The following NUP210L variants were observed in gnomAD, a reference collection of about 807,000 sequenced individuals.
NUP210L encodes the protein nuclear pore membrane glycoprotein 210-like.
NUP210L carries 74 observed loss-of-function variants against 208.5 expected under a neutral mutation model. That is an observed-to-expected ratio of 0.35 (90% CI 0.29 to 0.43). The LOEUF (loss-of-function observed/expected upper bound fraction) is 0.43. Ranked by LOEUF, NUP210L falls within the 20% of genes least tolerant of loss-of-function variation. The pLI is 1.00. For synonymous variants in NUP210L, 780 were observed against 816.9 expected, an observed-to-expected ratio of 0.95 and a Z score of 0.77; for missense variants, 1,843 against 2,289.4, an observed-to-expected ratio of 0.81 and a Z score of 3.98.
intron 17 of NUP210L, 128 bp downstream of exon 17, chr1:154,070,145 A>G (rs1239054055): frequency 1.5e-6 from 1 of 689,024 alleles, no homozygotes; most frequent in African/African-American, 1.8e-5. Flanking sequence ...GCACATGTAT[A>G]CATATGTAAC....
Position 154,083,607 on chromosome 1 carries a change from CCAGCTGG to C in NUP210L, c.2361+5807_2361+5813del, listed in dbSNP as rs1655467638. Among the ~76,000 whole-genome samples the C allele has an allele frequency of 9.9e-5, 15 of 152,072 alleles. 1 individual carries two copies. The South Asian group carries it at 3.1e-3, about 32-fold the overall frequency. ...GTGTCAGAATTGAATTGGAGAACAC[CCAGCTGG>C]TGTCTGCTGCTTGATGTGTGGGGAA... On this transcript the variant is annotated intron_variant, in intron 16 of 39. Transcript: ENST00000368559.
At chr1:154,006,197 T>A (rs890727014) in intron 35 of NUP210L, among the ~76,000 whole-genome samples, 1 of 152,098 alleles carries the variant, frequency 6.6e-6, no homozygotes, top group African/African-American at 2.4e-5. Flanking sequence ...TTTATTTATT[T>A]AGACAGAGTC....
chr1:154,011,753 A>G (rs1411025585), intron 34 of NUP210L, among the ~76,000 whole-genome samples: 1 of 123,344 alleles, frequency 8.1e-6, no homozygotes, highest in Admixed American at 1.1e-4. Flanking sequence ...CAGTGGTGCG[A>G]TCTCGGCTCA....
intron 17 of NUP210L, among the ~76,000 whole-genome samples, chr1:154,065,376 G>T (rs1056248003): frequency 1.3e-5 from 2 of 152,034 alleles, no homozygotes; most frequent in Non-Finnish European, 2.9e-5. Flanking sequence ...GCTATGATCT[G>T]CTCTACTGCT....
chr1:154,043,036 T>C (rs1652979506), intron 27 of NUP210L, among the ~76,000 whole-genome samples: 1 of 149,398 alleles, frequency 6.7e-6, no homozygotes, highest in Non-Finnish European at 1.5e-5. Flanking sequence ...TTTTTTTTTT[T>C]TGAGACAGGG....
exon 29 of NUP210L, chr1:154,027,526 C>T (rs771490674): frequency 6.2e-7 from 1 of 1,612,912 alleles, no homozygotes; most frequent in South Asian, 1.1e-5. Context: ...GGAGTTTGAG[C>T]TGAGAATTTA....
At chr1:154,058,287 G>T (rs1653976131) in intron 21 of NUP210L, 71 bp from the exon 22 acceptor site, 9 of 1,511,396 alleles carry the variant, frequency 6.0e-6, no homozygotes, top group Non-Finnish European at 8.1e-6. Flanking sequence ...CTCTTAGAGG[G>T]CAGTGTACTT....
chr1:154,069,872 TA>T (rs1335441234), intron 17 of NUP210L, among the ~76,000 whole-genome samples: 2 of 152,018 alleles, frequency 1.3e-5, no homozygotes, highest in Non-Finnish European at 2.9e-5. Context: ...TATGGAGCCA[TA>T]AAAAAGGATG....
At chr1:154,028,438 G>T (rs1253906772) in intron 28 of NUP210L, among the ~76,000 whole-genome samples, 2 of 151,734 alleles carry the variant, frequency 1.3e-5, no homozygotes, top group Admixed American at 6.6e-5. Context: ...AATACAAAAA[G>T]TAGCCAGGCA....
At chr1:154,139,276 T>C (rs1346346586) in intron 5 of NUP210L, among the ~76,000 whole-genome samples, 1 of 152,120 alleles carries the variant, frequency 6.6e-6, no homozygotes, top group Non-Finnish European at 1.5e-5. Flanking sequence ...GAACTCATGG[T>C]CAAAGAAAGG....
chr1:154,132,631 A>G (rs995942735), intron 7 of NUP210L, among the ~76,000 whole-genome samples: 4 of 152,180 alleles, frequency 2.6e-5, no homozygotes, highest in African/African-American at 9.7e-5. Context: ...GGAAAAAAAT[A>G]ACAATATGAA....
intron 12 of NUP210L, among the ~76,000 whole-genome samples, chr1:154,105,413 C>T (rs1466010061): frequency 4.0e-5 from 6 of 151,350 alleles, no homozygotes; most frequent in Non-Finnish European, 7.4e-5. Context: ...TGCTTGAACC[C>T]GGGGGGTGGA....
intron 8 of NUP210L, 91 bp downstream of exon 8, chr1:154,129,186 A>T: frequency 1.4e-6 from 1 of 724,072 alleles, no homozygotes; most frequent in Non-Finnish European, 2.4e-6. Flanking sequence ...CCAGAATGAA[A>T]GTTGAAAGTT....
intron 27 of NUP210L, among the ~76,000 whole-genome samples, chr1:154,034,648 T>A (rs964391451): frequency 2.0e-5 from 3 of 152,044 alleles, no homozygotes; most frequent in African/African-American, 7.2e-5. Flanking sequence ...GGGAGACTTT[T>A]CATCATGGTG....
At chr1:154,140,836 C>A (rs1256586041) in intron 4 of NUP210L, among the ~76,000 whole-genome samples, 5 of 142,314 alleles carry the variant, frequency 3.5e-5, no homozygotes, top group Admixed American at 7.0e-5. Flanking sequence ...ACAACAACAA[C>A]AAAAAAAATT....
intron 16 of NUP210L, among the ~76,000 whole-genome samples, chr1:154,088,225 C>A (rs1351479383): frequency 6.6e-6 from 1 of 151,816 alleles, no homozygotes; most frequent in Non-Finnish European, 1.5e-5. Context: ...ATAATCCCAG[C>A]TAACTGGGGG....
chr1:154,068,432 A>T (rs1330480029), intron 17 of NUP210L, among the ~76,000 whole-genome samples: 1 of 152,210 alleles, frequency 6.6e-6, no homozygotes, highest in East Asian at 1.9e-4. Flanking sequence ...CTGTAATCCC[A>T]GCACTTTGGG....
chr1:154,071,627 CTTTTT>C (rs893742878), intron 16 of NUP210L, among the ~76,000 whole-genome samples: 29 of 99,792 alleles, frequency 2.9e-4, no homozygotes, highest in Non-Finnish European at 4.5e-4. Context: ...CAATTCATTC[CTTTTT>C]TTTTTTTTTT....
intron 2 of NUP210L, among the ~76,000 whole-genome samples, chr1:154,147,343 C>T (rs1372262127): frequency 2.0e-5 from 3 of 151,818 alleles, no homozygotes; most frequent in Non-Finnish European, 4.4e-5. Context: ...CTATATACAA[C>T]ATCTGACCAG....
Sources: allele counts gnomAD v4.1 joint callset (sites outside exome capture counted in the v4.1 genomes callset), GRCh38; gene constraint gnomAD v4.1.1; transcripts MANE v1.5; gene names NCBI Gene and HGNC (gene_info 2026-07-23, HGNC 2026-07-21).